The following ITGB1BP1 variants were observed in gnomAD, a reference collection of about 807,000 sequenced individuals.
ITGB1BP1 encodes integrin subunit beta 1 binding protein 1, also known as integrin beta-1-binding protein 1.
Under a neutral mutation model 28.0 loss-of-function variants are expected in ITGB1BP1, and 20 were observed. That is an observed-to-expected ratio of 0.71 (90% confidence interval 0.50 to 1.04). ITGB1BP1 has a LOEUF of 1.04. ITGB1BP1 is among the 50% of genes least tolerant of loss of function. The pLI is 0.00. For synonymous variants in ITGB1BP1, 103 were observed against 89.5 expected (o/e 1.15, Z -0.85); for missense variants, 228 against 242.5 (o/e 0.94, Z 0.40).
Position 9,405,813 on chromosome 2 carries a change from T to TAACTC in ITGB1BP1, c.*1016_*1020dup, listed in dbSNP as rs1276859154. The TAACTC allele has an allele frequency of 6.6e-6, 1 of 152,230 alleles. No individual in the cohort carries two copies. The highest frequency in any genetic ancestry group is 2.4e-5 in the African/African-American group (1 of 41,456). 9.4% of individuals were successfully genotyped at this position (152,230 alleles called of 1,614,324 possible). A position where few individuals can be genotyped will look rare whatever the true frequency, so the allele number is the denominator to read the frequency against. Reference sequence around the variant, plus strand: ...GAGCGGTAATCTTTTAAGGTTCTCTTAACTCTAGGAATTGTGGTTGGCCAG... The same window carrying TAACTC: ...GAGCGGTAATCTTTTAAGGTTCTCTTAACTCAACTCTAGGAATTGTGGTTGGCCAG... On this transcript the variant is annotated 3_prime_UTR_variant, in exon 7 of 7. Coordinates refer to ENST00000355346, the MANE Select transcript of ITGB1BP1 (RefSeq NM_004763.5).
rs777732872 is a variant in ITGB1BP1, at chr2:9,406,824, A to G, written c.*10T>C. On this transcript the variant is annotated 3_prime_UTR_variant, in exon 7 of 7. Transcript: ENST00000355346. The stretch of plus-strand genomic sequence containing the variant: ...TTCAGATGAAGTTGACTTCTACTTG[A>G]TTGCAGGATTCAGGGTTTCTCAGAT... The G allele has an allele frequency of 5.0e-6, 8 of 1,590,478 alleles. 1 individual carries two copies. The highest frequency in any genetic ancestry group is 6.9e-6 in the Non-Finnish European group (8 of 1,158,566).
At chr2:9,407,116 G>A (rs879509241) in intron 6 of ITGB1BP1, 10 of 606,710 alleles carry the variant, frequency 1.6e-5, no homozygotes, top group Non-Finnish European at 2.6e-5. Context: ...AACAGCGACT[G>A]CAGCCTGCAA....
intron 1 of ITGB1BP1, among the ~76,000 whole-genome samples, chr2:9,420,913 G>C (rs898341084): frequency 6.6e-6 from 1 of 152,224 alleles, no homozygotes; most frequent in African/African-American, 2.4e-5. Flanking sequence ...TAAAAAGTGA[G>C]AGATGTGTTG....
rs141818006 is a variant in ITGB1BP1 at position 9,403,649 on chromosome 2, A to G, written c.*3185T>C. 611 of 257,794 alleles carry G rather than the reference A, an allele frequency of 2.4e-3. 3 individuals are homozygous for G. Among genetic ancestry groups the G allele is most frequent in the African/African-American group, 0.013 (575 of 44,480 alleles). 16.0% of individuals were successfully genotyped at this position (257,794 alleles called of 1,614,324 possible). Reference sequence around the variant, plus strand: ...GCTAAACCTAAAAATGTTTGCATTAATGAATAAATTCTTCCTGCATTCCTT... The same window carrying G: ...GCTAAACCTAAAAATGTTTGCATTAGTGAATAAATTCTTCCTGCATTCCTT... On this transcript the variant is annotated 3_prime_UTR_variant, in exon 7 of 7. Coordinates refer to ENST00000355346, the MANE Select transcript of ITGB1BP1 (RefSeq NM_004763.5).
At chr2:9,413,147 C>T (rs11682015) in intron 3 of ITGB1BP1, among the ~76,000 whole-genome samples, 1 of 151,952 alleles carries the variant, frequency 6.6e-6, no homozygotes, top group Non-Finnish European at 1.5e-5. Context: ...CCACAACTTT[C>T]ATAATTTTAA....
At chr2:9,418,147 T>C (rs1679372701) in intron 2 of ITGB1BP1, among the ~76,000 whole-genome samples, 1 of 152,224 alleles carries the variant, frequency 6.6e-6, no homozygotes, top group Non-Finnish European at 1.5e-5. Context: ...CTTTATTACT[T>C]GAGACAAAAG....
chr2:9,416,792 T>C (rs992046621), intron 2 of ITGB1BP1, among the ~76,000 whole-genome samples: 4 of 152,194 alleles, frequency 2.6e-5, no homozygotes, highest in African/African-American at 9.7e-5. Flanking sequence ...ATTCACTGTC[T>C]CTGGGTGTCA....
chr2:9,422,516 A>T (rs1268839209), intron 1 of ITGB1BP1: 5 of 985,412 alleles, frequency 5.1e-6, no homozygotes, highest in Non-Finnish European at 6.0e-6. Context: ...CCTTCCTGGG[A>T]TCTCAAGGCT....
chr2:9,412,005 G>A (rs1197642011), intron 4 of ITGB1BP1: 7 of 354,186 alleles, frequency 2.0e-5, no homozygotes, highest in African/African-American at 4.5e-5. Context: ...TTGCACCACT[G>A]TACTCCAGCC....
chr2:9,413,604 A>G (rs569231638), intron 3 of ITGB1BP1, among the ~76,000 whole-genome samples: 3 of 152,270 alleles, frequency 2.0e-5, no homozygotes, highest in African/African-American at 7.2e-5. Flanking sequence ...TGCTGGGATT[A>G]CAGTCGTGAG....
At chr2:9,423,292 C>T in intron 1 of ITGB1BP1, 81 bp downstream of exon 1, 2 of 1,220,050 alleles carry the variant, frequency 1.6e-6, no homozygotes, top group Non-Finnish European at 2.1e-6. Flanking sequence ...CCTTCCTGGC[C>T]GTCCGCGCCG....
Position 9,403,607 on chromosome 2 carries a change from C to T in ITGB1BP1, c.*3227G>A, listed in dbSNP as rs1321722075. On this transcript the variant is annotated 3_prime_UTR_variant, in exon 7 of 7. Transcript: ENST00000355346. ...TTAACTATTATACATAATCAAGATCCTGCCTCTACGGAATTAGCTAAACCT... is the reference window on the plus strand; with the variant it reads ...TTAACTATTATACATAATCAAGATCTTGCCTCTACGGAATTAGCTAAACCT... 1 of 366,458 alleles carries T rather than the reference C, an allele frequency of 2.7e-6. No individual in the cohort carries two copies. Among genetic ancestry groups the T allele is most frequent in the Admixed American group, 4.4e-5 (1 of 22,666 alleles). The allele number at this position is 366,458 out of a possible 1,614,324, so 22.7% of individuals were successfully genotyped here.
At chr2:9,422,820 A>G in intron 1 of ITGB1BP1, 1 of 986,270 alleles carries the variant, frequency 1.0e-6, no homozygotes, top group Non-Finnish European at 1.2e-6. Flanking sequence ...CTGCAGGATA[A>G]CAGCCCCTTT....
In ITGB1BP1 at chr2:9,406,772, G is replaced by A. The variant is rs1397783476; in HGVS notation, c.*62C>T. The stretch of plus-strand genomic sequence containing the variant: ...ACTTCATTATTTGCATAACATTTCA[G>A]CATTGCAGTTTGAAAACAGCTGAAC... On this transcript the variant is annotated 3_prime_UTR_variant, in exon 7 of 7. Transcript: ENST00000355346. 3 of 1,046,236 alleles carry A rather than the reference G, an allele frequency of 2.9e-6. No homozygotes were observed. Among genetic ancestry groups the A allele is most frequent in the Admixed American group, 1.7e-5 (1 of 59,250 alleles). 64.8% of individuals were successfully genotyped at this position (1,046,236 alleles called of 1,614,324 possible).
At position 9,405,438 on chromosome 2, in the gene ITGB1BP1, G is replaced by A. The variant is rs184069492; in HGVS notation, c.*1396C>T. The A allele has an allele frequency of 6.5e-5, 10 of 152,742 alleles. No individual in the cohort carries two copies. In the East Asian group the frequency reaches 1.9e-3, roughly 29 times the overall value. 9.5% of individuals were successfully genotyped at this position (152,742 alleles called of 1,614,324 possible). On this transcript the variant is annotated 3_prime_UTR_variant, in exon 7 of 7. Transcript: ENST00000355346. ...ATGTACACAGACTAAGAGTAACTGTGTGATCTGTTAAGGGGTGGATAACAT... is the reference window on the plus strand; with the variant it reads ...ATGTACACAGACTAAGAGTAACTGTATGATCTGTTAAGGGGTGGATAACAT...
At chr2:9,407,360 G>A (rs934650267) in intron 6 of ITGB1BP1, 89 bp downstream of exon 6, 5 of 1,404,238 alleles carry the variant, frequency 3.6e-6, no homozygotes, top group Non-Finnish European at 3.0e-6. Context: ...CATATATAAT[G>A]GATTGTATTT....
At position 9,406,802 on chromosome 2, in the gene ITGB1BP1, A is replaced by AGAT; in HGVS notation, c.*29_*31dup. The AGAT allele has an allele frequency of 4.2e-6, 6 of 1,442,152 alleles. No homozygotes were observed. The Middle Eastern group carries it at 8.7e-4, about 210-fold the overall frequency. 89.3% of individuals were successfully genotyped at this position (1,442,152 alleles called of 1,614,324 possible). On this transcript the variant is annotated 3_prime_UTR_variant, in exon 7 of 7. Coordinates refer to ENST00000355346, the MANE Select transcript of ITGB1BP1 (RefSeq NM_004763.5). ...GCAGTTTGAAAACAGCTGAACTTTC[A>AGAT]GATGAAGTTGACTTCTACTTGATTG...
intron 1 of ITGB1BP1, chr2:9,420,045 A>C: frequency 1.0e-6 from 1 of 984,650 alleles, no homozygotes; most frequent in Non-Finnish European, 1.2e-6. Flanking sequence ...AGCGGTCTGC[A>C]CAGAGAGTTT....
chr2:9,421,818 G>GCTCCT (rs562293619), intron 1 of ITGB1BP1, among the ~76,000 whole-genome samples: 89 of 152,040 alleles, frequency 5.9e-4, no homozygotes, highest in Non-Finnish European at 8.8e-4. Flanking sequence ...CTCCAGATCT[G>GCTCCT]CTCCTCTCCT....
Sources: gnomAD v4.1 joint callset for allele counts (sites outside exome capture counted in the v4.1 genomes callset) on GRCh38, gnomAD v4.1.1 for gene constraint, MANE v1.5 for transcripts, NCBI Gene and HGNC (gene_info 2026-07-23, HGNC 2026-07-21) for gene names.